CASR: variants seen among roughly 807,000 people sequenced by gnomAD.
The protein encoded by CASR is extracellular calcium-sensing receptor.
A neutral mutation model predicts 69.1 loss-of-function variants in CASR; 23 were observed. That is an observed-to-expected ratio of 0.33 (90% CI 0.24 to 0.47). The LOEUF is 0.47. Ranked by LOEUF, CASR falls within the 20% of genes least tolerant of loss-of-function variation. CASR has a pLI of 1.00. For missense variants in CASR, 924 were observed against 1,356.1 expected (o/e 0.68, Z 5.00); for synonymous variants, 541 against 544.7 (o/e 0.99, Z 0.10).
At chr3:122,241,311 G>T (rs1266785924) in intron 1 of CASR, among the ~76,000 whole-genome samples, 1 of 150,984 alleles carries the variant, frequency 6.6e-6, no homozygotes, top group African/African-American at 2.4e-5. Flanking sequence ...AATGAGAGAA[G>T]ACCCAAATAA....
intron 1 of CASR, among the ~76,000 whole-genome samples, chr3:122,212,754 G>T (rs1235424676): frequency 1.3e-5 from 2 of 151,700 alleles, no homozygotes; most frequent in East Asian, 3.9e-4. Context: ...CAATTCTCCT[G>T]CCTCAGCTTC....
intron 1 of CASR, among the ~76,000 whole-genome samples, chr3:122,208,420 C>A (rs191647879): frequency 6.6e-6 from 1 of 151,944 alleles, no homozygotes; most frequent in African/African-American, 2.4e-5. Context: ...TTTTTCTAAA[C>A]CTTACATGCT....
intron 1 of CASR, among the ~76,000 whole-genome samples, chr3:122,210,017 G>A (rs1210861035): frequency 6.6e-6 from 1 of 152,018 alleles, no homozygotes; most frequent in Non-Finnish European, 1.5e-5. Context: ...CACATAAAAG[G>A]CCTTTGATAA....
At chr3:122,260,856 A>G (rs1298326209) in intron 3 of CASR, among the ~76,000 whole-genome samples, 3 of 152,190 alleles carry the variant, frequency 2.0e-5, no homozygotes, top group Non-Finnish European at 2.9e-5. Context: ...TAAAAGAAAC[A>G]GTTCTCAGAA....
Position 122,285,402 on chromosome 3 carries a change from T to G in CASR, c.*211T>G. 1 of 559,896 alleles carries G rather than the reference T, an allele frequency of 1.8e-6. No homozygotes were observed. The allele number at this position is 559,896 out of a possible 1,614,324, so 34.7% of individuals were successfully genotyped here. On this transcript the variant is annotated 3_prime_UTR_variant, in exon 7 of 7. Transcript: ENST00000639785. ...AAAGAAGAGCCTTGTGTTTCTGTGG[T>G]TGCATTTGTCAAAGCATTGAGATCT...
intron 1 of CASR, among the ~76,000 whole-genome samples, chr3:122,211,176 G>A (rs1019954948): frequency 3.9e-5 from 6 of 151,972 alleles, no homozygotes; most frequent in Admixed American, 1.3e-4. Flanking sequence ...ACATAGGCAC[G>A]GGCAAAGATT....
In CASR at chr3:122,257,400, T is replaced by G. The variant is rs148131335; in HGVS notation, c.492+13T>G. On this transcript the variant is annotated intron_variant, in intron 3 of 6. Coordinates refer to ENST00000639785, the MANE Select transcript of CASR (RefSeq NM_000388.4). ...CTACATTCCCCAGGTACTCAAGCCTTCTCAGGCGGGGCACTGGGAGCAGGA... is the reference window on the plus strand; with the variant it reads ...CTACATTCCCCAGGTACTCAAGCCTGCTCAGGCGGGGCACTGGGAGCAGGA... 1.2e-6 allele frequency: 2 copies of G among 1,607,720 alleles called. No individual in the cohort carries two copies. Among genetic ancestry groups the G allele is most frequent in the Non-Finnish European group, 1.7e-6 (2 of 1,175,112 alleles).
At chr3:122,196,546 TTTTG>T (rs2073893323) in intron 1 of CASR, among the ~76,000 whole-genome samples, 1 of 152,102 alleles carries the variant, frequency 6.6e-6, no homozygotes, top group Non-Finnish European at 1.5e-5. Context: ...TTTTGTTTTG[TTTTG>T]TTTTTGAGGC....
At chr3:122,195,243 A>G (rs2073878226) in intron 1 of CASR, among the ~76,000 whole-genome samples, 1 of 152,208 alleles carries the variant, frequency 6.6e-6, no homozygotes, top group Admixed American at 6.5e-5. Context: ...CCTCCCAGCA[A>G]AAGGGTGAGA....
At chr3:122,217,711 T>A (rs191365934) in intron 1 of CASR, among the ~76,000 whole-genome samples, 1 of 152,244 alleles carries the variant, frequency 6.6e-6, no homozygotes, top group East Asian at 1.9e-4. Flanking sequence ...GAAGAAGGAC[T>A]AAAAACTATA....
chr3:122,188,078 G>C (rs2073804158), intron 1 of CASR, among the ~76,000 whole-genome samples: 1 of 152,076 alleles, frequency 6.6e-6, no homozygotes, highest in African/African-American at 2.4e-5. Context: ...GGCAAAGGAA[G>C]CTGCTGGAGG....
At chr3:122,269,216 C>T (rs992545132) in intron 4 of CASR, among the ~76,000 whole-genome samples, 1 of 152,178 alleles carries the variant, frequency 6.6e-6, no homozygotes, top group African/African-American at 2.4e-5. Flanking sequence ...CAATCTTACT[C>T]GGCCTGATTC....
intron 1 of CASR, among the ~76,000 whole-genome samples, chr3:122,253,150 A>G (rs2074516007): frequency 6.6e-6 from 1 of 152,184 alleles, no homozygotes; most frequent in Non-Finnish European, 1.5e-5. Flanking sequence ...AAAAAAGGAG[A>G]CTATCATAAA....
intron 1 of CASR, among the ~76,000 whole-genome samples, chr3:122,227,727 G>A (rs947015130): frequency 5.3e-5 from 8 of 152,056 alleles, no homozygotes; most frequent in Admixed American, 2.0e-4. Flanking sequence ...CTGCCAGCAC[G>A]CTGTCACCTC....
At chr3:122,205,305 T>C (rs865920851) in intron 1 of CASR, among the ~76,000 whole-genome samples, 9 of 152,268 alleles carry the variant, frequency 5.9e-5, no homozygotes, top group Middle Eastern at 3.4e-3. Context: ...AAGTTACCAG[T>C]TTTCCCAGCA....
At chr3:122,204,268 T>G (rs1305590380) in intron 1 of CASR, among the ~76,000 whole-genome samples, 1 of 152,168 alleles carries the variant, frequency 6.6e-6, no homozygotes, top group Non-Finnish European at 1.5e-5. Flanking sequence ...TGACCACTAG[T>G]CTCCTCTCTG....
intron 1 of CASR, among the ~76,000 whole-genome samples, chr3:122,225,174 A>G (rs952684748): frequency 2.6e-5 from 4 of 152,174 alleles, no homozygotes; most frequent in Non-Finnish European, 4.4e-5. Flanking sequence ...ATTTATGACT[A>G]AGTCCCCAAA....
chr3:122,214,064 G>A (rs1490463135), intron 1 of CASR, among the ~76,000 whole-genome samples: 5 of 152,150 alleles, frequency 3.3e-5, no homozygotes, highest in Non-Finnish European at 7.4e-5. Flanking sequence ...CTGGGTTTTT[G>A]TTGTTGTTGC....
chr3:122,207,291 A>G (rs1449479221), intron 1 of CASR, among the ~76,000 whole-genome samples: 1 of 152,100 alleles, frequency 6.6e-6, no homozygotes, highest in African/African-American at 2.4e-5. Flanking sequence ...GGAAAACATC[A>G]GAGTTAAACT....
Sources: gnomAD v4.1 joint callset for allele counts (sites outside exome capture counted in the v4.1 genomes callset) on GRCh38, gnomAD v4.1.1 for gene constraint, MANE v1.5 for transcripts, NCBI Gene and HGNC (gene_info 2026-07-23, HGNC 2026-07-21) for gene names.